The following ANKRD22 variants were observed in gnomAD, a reference collection of about 807,000 sequenced individuals.
The protein encoded by ANKRD22 is ankyrin repeat domain-containing protein 22.
In ANKRD22, 24 loss-of-function variants were observed where a neutral mutation model predicts 25.7. The observed-to-expected ratio is 0.93, with a 90% confidence interval of 0.68 to 1.31. The LOEUF (loss-of-function observed/expected upper bound fraction) is 1.31. Ranked by LOEUF, ANKRD22 falls within the 50% of genes most tolerant of loss-of-function variation. The pLI is 0.00. For synonymous variants in ANKRD22, 84 were observed against 84.3 expected (o/e 1.00, Z 0.02); for missense variants, 214 against 227.1 (o/e 0.94, Z 0.37).
rs765612561 is a variant in ANKRD22 at position 88,851,574 on chromosome 10, A to G, written c.21+13T>C. 31 of 1,613,236 alleles carry G rather than the reference A, an allele frequency of 1.9e-5. No homozygotes were observed. In the South Asian group the frequency reaches 3.4e-4, roughly 18 times the overall value. On this transcript the variant is annotated intron_variant, in intron 1 of 5. Coordinates refer to ENST00000371930, the MANE Select transcript of ANKRD22 (RefSeq NM_144590.3). ...AACATCTTTGGAACTCTGCTTTCAG[A>G]AAGGTGATGTACCTCAGAGTATAGG...
At chr10:88,828,217 C>A (rs541881054) in intron 3 of ANKRD22, among the ~76,000 whole-genome samples, 2 of 152,066 alleles carry the variant, frequency 1.3e-5, no homozygotes, top group Non-Finnish European at 2.9e-5. Flanking sequence ...AAAACACAAA[C>A]TCCTCTTTTA....
At chr10:88,824,393 C>T (rs750892107) in intron 4 of ANKRD22, among the ~76,000 whole-genome samples, 3 of 152,160 alleles carry the variant, frequency 2.0e-5, no homozygotes, top group Non-Finnish European at 4.4e-5. Flanking sequence ...CCTAGAAACA[C>T]CTCTAAAATT....
chr10:88,836,183 C>A (rs2133076332), intron 1 of ANKRD22, among the ~76,000 whole-genome samples: 1 of 152,226 alleles, frequency 6.6e-6, no homozygotes, highest in East Asian at 1.9e-4. Context: ...TTATCCACAC[C>A]CTTGATCTAA....
chr10:88,847,414 A>G (rs918115486), intron 1 of ANKRD22, among the ~76,000 whole-genome samples: 1 of 152,104 alleles, frequency 6.6e-6, no homozygotes, highest in African/African-American at 2.4e-5. Context: ...ACATGCCTCC[A>G]CACCCAGCTA....
rs1196068156 is a variant in ANKRD22 at position 88,822,088 on chromosome 10, T to C, written c.*853A>G. ...AGATTTTTTTAAACGAACATTTTCA[T>C]AGTTGCATAGTCTTGCTCAAACCAA... On this transcript the variant is annotated 3_prime_UTR_variant, in exon 6 of 6. Transcript: ENST00000371930. 2.0e-5 allele frequency: 3 copies of C among 152,240 alleles called. No individual in the cohort carries two copies. The highest frequency in any genetic ancestry group is 4.4e-5 in the Non-Finnish European group (3 of 68,040). 9.4% of individuals were successfully genotyped at this position (152,240 alleles called of 1,614,324 possible).
intron 1 of ANKRD22, among the ~76,000 whole-genome samples, chr10:88,849,689 A>G (rs980369222): frequency 2.0e-5 from 3 of 152,182 alleles, no homozygotes; most frequent in Non-Finnish European, 4.4e-5. Context: ...ATCTATAAGA[A>G]GCCCTAAATA....
chr10:88,827,111 C>G (rs1343980563), intron 3 of ANKRD22, among the ~76,000 whole-genome samples: 1 of 152,152 alleles, frequency 6.6e-6, no homozygotes, highest in Non-Finnish European at 1.5e-5. Context: ...TGGGTATAGC[C>G]CTGGAGTTCA....
chr10:88,833,624 C>T (rs1405618936), intron 1 of ANKRD22, among the ~76,000 whole-genome samples: 1 of 152,154 alleles, frequency 6.6e-6, no homozygotes, highest in Non-Finnish European at 1.5e-5. Context: ...ATGTTATACT[C>T]TTAAACCTAA....
intron 2 of ANKRD22, among the ~76,000 whole-genome samples, chr10:88,831,219 G>A (rs1273015177): frequency 6.6e-6 from 1 of 152,196 alleles, no homozygotes; most frequent in African/African-American, 2.4e-5. Flanking sequence ...GCTCCACAAG[G>A]ATTTTCACAG....
chr10:88,850,521 C>T lies in ANKRD22; in HGVS notation c.21+1066G>A, dbSNP rs559169163. ...TGGGATGCTCCTTTTAAAAAGTATA[C>T]TTTTGTATCCTACCATAGACTGAGT... On this transcript the variant is annotated intron_variant, in intron 1 of 5. Coordinates refer to ENST00000371930, the MANE Select transcript of ANKRD22 (RefSeq NM_144590.3). Among the ~76,000 whole-genome samples the T allele has an allele frequency of 1.6e-4, 24 of 152,230 alleles. No individual in the cohort carries two copies. In the South Asian group the frequency reaches 4.8e-3, roughly 30 times the overall value.
chr10:88,832,173 G>C (rs1312377216), intron 1 of ANKRD22, 147 bp from the exon 2 acceptor site: 4 of 819,694 alleles, frequency 4.9e-6, no homozygotes, highest in Admixed American at 3.3e-5. Context: ...TTTGGTCTCA[G>C]TTATGCCTAG....
intron 1 of ANKRD22, among the ~76,000 whole-genome samples, chr10:88,846,989 G>A (rs187824870): frequency 1.4e-4 from 21 of 152,190 alleles, no homozygotes; most frequent in Admixed American, 4.6e-4. Flanking sequence ...TTAAATTTAT[G>A]CCAAAGAACT....
intron 4 of ANKRD22, among the ~76,000 whole-genome samples, chr10:88,824,215 T>A (rs951896265): frequency 1.1e-4 from 17 of 152,224 alleles, no homozygotes; most frequent in Non-Finnish European, 2.2e-4. Context: ...AGCTAGTGCA[T>A]CTACTCTGTT....
intron 1 of ANKRD22, 28 bp downstream of exon 1, chr10:88,851,559 G>A (rs570042342): frequency 1.2e-6 from 2 of 1,612,364 alleles, no homozygotes; most frequent in Non-Finnish European, 1.7e-6. Flanking sequence ...AACATCTTTG[G>A]AACTCTGCTT....
intron 2 of ANKRD22, 122 bp from the exon 3 acceptor site, chr10:88,828,788 C>T (rs992506634): frequency 4.5e-6 from 3 of 664,688 alleles, no homozygotes; most frequent in East Asian, 5.5e-5. Context: ...GCATCTTTTC[C>T]TGTGGGATAC....
intron 1 of ANKRD22, among the ~76,000 whole-genome samples, chr10:88,833,172 T>C (rs1214551): frequency 1.3e-5 from 2 of 152,036 alleles, no homozygotes; most frequent in Non-Finnish European, 2.9e-5. Flanking sequence ...AACCCCATTT[T>C]ATTTACTGCT....
intron 1 of ANKRD22, among the ~76,000 whole-genome samples, chr10:88,845,527 A>C (rs2133081810): frequency 6.6e-6 from 1 of 152,164 alleles, no homozygotes. Context: ...GAACCCTGAA[A>C]TGTGTCTTTC....
Position 88,822,135 on chromosome 10 carries a change from G to A in ANKRD22, c.*806C>T, listed in dbSNP as rs1044367988. On this transcript the variant is annotated 3_prime_UTR_variant, in exon 6 of 6. Coordinates refer to ENST00000371930, the MANE Select transcript of ANKRD22 (RefSeq NM_144590.3). ...CCAAGATGGCTTTTATTTGTAAACC[G>A]AAATCTCTAGTGGTATGCTGGTAAA... The A allele has an allele frequency of 8.6e-5, 13 of 152,028 alleles. No individual in the cohort carries two copies. The highest frequency in any genetic ancestry group is 2.9e-4 in the African/African-American group (12 of 41,388). The allele number at this position is 152,028 out of a possible 1,614,324, so 9.4% of individuals were successfully genotyped here.
At chr10:88,824,618 A>C (rs1472691410) in intron 4 of ANKRD22, among the ~76,000 whole-genome samples, 1 of 152,100 alleles carries the variant, frequency 6.6e-6, no homozygotes, top group East Asian at 1.9e-4. Context: ...TGTGTCTCAA[A>C]CTCCTGAGTT....
Sources: gnomAD v4.1 joint callset for allele counts (sites outside exome capture counted in the v4.1 genomes callset) on GRCh38, gnomAD v4.1.1 for gene constraint, MANE v1.5 for transcripts, NCBI Gene and HGNC (gene_info 2026-07-23, HGNC 2026-07-21) for gene names.